The following BCHE variants were observed in gnomAD, a reference collection of about 807,000 sequenced individuals.
The protein encoded by BCHE is cholinesterase.
In BCHE, 48 loss-of-function variants were observed where a neutral mutation model predicts 51.3. The ratio of observed to expected loss-of-function variants is 0.94; its 90% CI spans 0.74 to 1.19. BCHE has a LOEUF of 1.19. Ranked by LOEUF, BCHE falls within the 50% of genes most tolerant of loss-of-function variation. The probability of loss-of-function intolerance (pLI) is 0.00; values close to 1 mark genes in which losing one functional copy is unlikely to be tolerated. For missense variants in BCHE, 847 were observed against 708.2 expected, an observed-to-expected ratio of 1.20 and a Z score of -2.23; for synonymous variants, 251 against 238.0, an observed-to-expected ratio of 1.05 and a Z score of -0.50.
At chr3:165,822,587 T>C (rs909461762) in intron 2 of BCHE, among the ~76,000 whole-genome samples, 2 of 152,078 alleles carry the variant, frequency 1.3e-5, no homozygotes, top group East Asian at 1.9e-4. Context: ...GAACATTACA[T>C]TGGCTGTCAC....
rs200768861 is a variant in BCHE at position 165,786,297 on chromosome 3, G to C, written c.1532C>G (p.Thr511Ser). The change falls in exon 3 of 4, where the codon ACT becomes AGT. Residue 511 changes from threonine to serine, a missense_variant. Coordinates refer to ENST00000264381, the MANE Select transcript of BCHE (RefSeq NM_000055.4). ...NFAKYGNPNETQNNSTSWPVF... is the reference protein window; with the variant it reads ...NFAKYGNPNESQNNSTSWPVF... ...AGGCCAGCTTGTGCTATTGTTCTGA[G>C]TCTCATTTGGATTCCTAAATAATAA... 46 of 1,610,924 alleles carry C rather than the reference G, an allele frequency of 2.9e-5. No homozygotes were observed. In the East Asian group the frequency reaches 3.8e-4, roughly 13 times the overall value.
chr3:165,782,414 G>A (rs193075445), intron 3 of BCHE, among the ~76,000 whole-genome samples: 8 of 152,012 alleles, frequency 5.3e-5, no homozygotes, highest in Admixed American at 2.0e-4. Flanking sequence ...TTTGTGAAAC[G>A]GTAAATTTAT....
intron 2 of BCHE, among the ~76,000 whole-genome samples, chr3:165,794,867 T>C (rs1576845242): frequency 6.6e-6 from 1 of 152,110 alleles, no homozygotes; most frequent in East Asian, 1.9e-4. Context: ...TTTTATTTTA[T>C]ATTATAACAT....
At chr3:165,821,521 T>C (rs1714517136) in intron 2 of BCHE, among the ~76,000 whole-genome samples, 1 of 151,796 alleles carries the variant, frequency 6.6e-6, no homozygotes, top group Non-Finnish European at 1.5e-5. Context: ...TTCAATCCAT[T>C]TTTTACTGTG....
At chr3:165,779,446 G>A (rs75244909) in intron 3 of BCHE, among the ~76,000 whole-genome samples, 3 of 151,870 alleles carry the variant, frequency 2.0e-5, no homozygotes, top group Non-Finnish European at 4.4e-5. Context: ...GAAAGAAAGG[G>A]TATTCAAATA....
At chr3:165,803,374 C>T (rs1434533855) in intron 2 of BCHE, among the ~76,000 whole-genome samples, 1 of 152,102 alleles carries the variant, frequency 6.6e-6, no homozygotes, top group Non-Finnish European at 1.5e-5. Flanking sequence ...GAGTTTCTAA[C>T]TCATTCTATT....
rs1158980409 is a variant in BCHE, at chr3:165,823,778, AGAG to A, written c.1517+5736_1517+5738del. ...GATTACTACATATTTTTTTTCTCAG[AGAG>A]GAGATCTGTTCTGTCACCCAGACTA... On this transcript the variant is annotated intron_variant, in intron 2 of 3. Coordinates refer to ENST00000264381, the MANE Select transcript of BCHE (RefSeq NM_000055.4). 2.6e-5 allele frequency among the ~76,000 whole-genome samples: 4 copies of A among 151,926 alleles called. No homozygotes were observed. The South Asian group carries it at 8.3e-4, about 31-fold the overall frequency.
At chr3:165,836,007 G>A (rs189959824) in intron 1 of BCHE, among the ~76,000 whole-genome samples, 10 of 151,908 alleles carry the variant, frequency 6.6e-5, no homozygotes, top group East Asian at 3.9e-4. Context: ...GAAATGACTC[G>A]AAGAAGGAAC....
Position 165,830,508 on chromosome 3 carries a change from C to G in BCHE, c.526G>C (p.Val176Leu). 2 of 1,613,936 alleles carry G rather than the reference C, an allele frequency of 1.2e-6. No individual in the cohort carries two copies. Among genetic ancestry groups the G allele is most frequent in the African/African-American group, 1.3e-5 (1 of 75,030 alleles). ...RVIVVSMNYR[V>L]GALGFLALPG... ...AAAGCTAAGAATCCTAGGGCACCCA[C>G]CCTATAGTTCATTGACACTACAATA... Residue 176 changes from valine (V) to leucine (L), a missense_variant, in exon 2 of 4, where the codon GTG (valine) becomes CTG (leucine). Val to Leu is a conservative substitution (Grantham distance 32). Transcript: ENST00000264381.
chr3:165,814,702 T>C (rs894483933), intron 2 of BCHE, among the ~76,000 whole-genome samples: 1 of 152,068 alleles, frequency 6.6e-6, no homozygotes, highest in Non-Finnish European at 1.5e-5. Context: ...GACATACTTT[T>C]CAGCTTTTGT....
intron 2 of BCHE, among the ~76,000 whole-genome samples, chr3:165,815,178 G>C (rs1278312328): frequency 6.6e-6 from 1 of 150,946 alleles, no homozygotes; most frequent in Non-Finnish European, 1.5e-5. Flanking sequence ...AATAATGTCA[G>C]GCATATTACA....
At chr3:165,809,202 G>A (rs188914816) in intron 2 of BCHE, among the ~76,000 whole-genome samples, 4 of 151,962 alleles carry the variant, frequency 2.6e-5, no homozygotes, top group Non-Finnish European at 2.9e-5. Context: ...TTTCTATATC[G>A]CAAAAATGTT....
chr3:165,830,661 C>G lies in BCHE; in HGVS notation c.373G>C (p.Val125Leu). Residue 125 changes from valine to leucine, a missense_variant, in exon 2 of 4, where the codon GTA (valine) becomes CTA (leucine). Transcript: ENST00000264381. ...DLSEDCLYLN[V>L]WIPAPKPKNA... ...TTTGGTTTAGGTGCTGGAATCCATA[C>G]ATTTAGATATAAACAGTCTTCACTG... 1 of 1,614,026 alleles carries G rather than the reference C, an allele frequency of 6.2e-7. No individual in the cohort carries two copies. Among genetic ancestry groups the G allele is most frequent in the Non-Finnish European group, 8.5e-7 (1 of 1,179,974 alleles).
intron 2 of BCHE, among the ~76,000 whole-genome samples, chr3:165,818,239 A>G (rs1714379648): frequency 6.6e-6 from 1 of 152,002 alleles, no homozygotes. Context: ...ACTATAAAAT[A>G]AATAAATAGA....
chr3:165,773,357 G>T lies in BCHE; in HGVS notation c.*25C>A. On this transcript the variant is annotated 3_prime_UTR_variant, in exon 4 of 4. Transcript: ENST00000264381. Reference sequence around the variant, plus strand: ...TTTGCCTTGATCTAAAGGAAAATATGTTCTATAAAGGGTAAATCTATTAAT... The same window carrying T: ...TTTGCCTTGATCTAAAGGAAAATATTTTCTATAAAGGGTAAATCTATTAAT... 6.2e-7 allele frequency: 1 copy of T among 1,601,600 alleles called. No homozygotes were observed. Among genetic ancestry groups the T allele is most frequent in the South Asian group, 1.1e-5 (1 of 90,106 alleles).
chr3:165,811,755 C>A (rs568470993), intron 2 of BCHE, among the ~76,000 whole-genome samples: 1 of 151,812 alleles, frequency 6.6e-6, no homozygotes, highest in Non-Finnish European at 1.5e-5. Context: ...AGAGTTAGAG[C>A]CTAAACACAG....
At chr3:165,780,465 G>A (rs1712650493) in intron 3 of BCHE, among the ~76,000 whole-genome samples, 1 of 152,146 alleles carries the variant, frequency 6.6e-6, no homozygotes. Context: ...TCATCAGAGT[G>A]AACAGGCAAC....
intron 1 of BCHE, among the ~76,000 whole-genome samples, chr3:165,836,599 A>C (rs1224451408): frequency 2.6e-5 from 4 of 152,082 alleles, no homozygotes; most frequent in Non-Finnish European, 5.9e-5. Context: ...TAATAGTTTT[A>C]CAAGATTATA....
At chr3:165,794,305 C>A (rs1713285868) in intron 2 of BCHE, among the ~76,000 whole-genome samples, 1 of 152,058 alleles carries the variant, frequency 6.6e-6, no homozygotes, top group African/African-American at 2.4e-5. Flanking sequence ...TAAGATGAAT[C>A]TTTAAAGATA....
Sources: allele counts gnomAD v4.1 joint callset (sites outside exome capture counted in the v4.1 genomes callset), GRCh38; gene constraint gnomAD v4.1.1; transcripts MANE v1.5; gene names NCBI Gene and HGNC (gene_info 2026-07-23, HGNC 2026-07-21).